Variants in C1orf185 observed in about 807,000 individuals in gnomAD.
C1orf185 encodes the protein uncharacterized protein C1orf185.
Under a neutral mutation model 16.1 loss-of-function variants are expected in C1orf185, and 13 were observed. The observed-to-expected ratio is 0.81, with a 90% CI of 0.53 to 1.28. C1orf185 has a LOEUF of 1.28. Among genes scored for constraint, C1orf185 ranks in the 50% most tolerant of loss-of-function variants. C1orf185 has a pLI of 0.00. For missense variants in C1orf185, 220 were observed against 225.2 expected (o/e 0.98, Z 0.15); for synonymous variants, 80 against 76.9 (o/e 1.04, Z -0.21).
chr1:51,118,089 T>C (rs1646170392), intron 2 of C1orf185, among the ~76,000 whole-genome samples: 1 of 152,062 alleles, frequency 6.6e-6, no homozygotes, highest in African/African-American at 2.4e-5. Context: ...AATTTTTTTG[T>C]ATGTGTTTTT....
At chr1:51,109,996 A>G (rs187616236) in intron 1 of C1orf185, among the ~76,000 whole-genome samples, 1 of 152,176 alleles carries the variant, frequency 6.6e-6, no homozygotes. Flanking sequence ...AATTTTTAAC[A>G]TCTATACTTA....
chr1:51,105,988 C>T (rs1346382822), intron 1 of C1orf185, among the ~76,000 whole-genome samples: 1 of 152,084 alleles, frequency 6.6e-6, no homozygotes, highest in Admixed American at 6.6e-5. Context: ...TGCAATTCCC[C>T]TGAGAGGTAA....
At chr1:51,123,293 G>A (rs1426419239) in intron 3 of C1orf185, among the ~76,000 whole-genome samples, 1 of 152,198 alleles carries the variant, frequency 6.6e-6, no homozygotes, top group African/African-American at 2.4e-5. Flanking sequence ...TGTGGATTAA[G>A]TGTGGATTAA....
chr1:51,119,261 A>G (rs996834407), intron 3 of C1orf185, among the ~76,000 whole-genome samples: 2 of 152,234 alleles, frequency 1.3e-5, no homozygotes, highest in African/African-American at 2.4e-5. Context: ...CCTTCAAGGT[A>G]TATGTGTAGT....
chr1:51,138,783 G>A (rs1407891060), intron 3 of C1orf185, among the ~76,000 whole-genome samples: 5 of 152,062 alleles, frequency 3.3e-5, no homozygotes, highest in African/African-American at 9.7e-5. Context: ...CGCCTCCCAG[G>A]TTCAAACAAG....
chr1:51,106,480 A>T (rs1459763829), intron 1 of C1orf185, among the ~76,000 whole-genome samples: 1 of 152,146 alleles, frequency 6.6e-6, no homozygotes, highest in African/African-American at 2.4e-5. Context: ...TCTCTAAAAA[A>T]ATTAAAAAGA....
chr1:51,118,827 C>T lies in C1orf185; in HGVS notation c.258+26C>T, dbSNP rs775922318. 1.2e-5 allele frequency: 16 copies of T among 1,332,420 alleles called. No homozygotes were observed. In the South Asian group the frequency reaches 1.3e-4, roughly 11 times the overall value. The allele number at this position is 1,332,420 out of a possible 1,614,324, so 82.5% of individuals were successfully genotyped here. A position where few individuals can be genotyped will look rare whatever the true frequency, so the allele number is the denominator to read the frequency against. ...GTAGGGTGTAATATTTTATAGTAAT[C>T]TTTTCAAATAATTTCTTTTGATACC... On this transcript the variant is annotated intron_variant, in intron 3 of 4. Transcript: ENST00000371759.
intron 1 of C1orf185, among the ~76,000 whole-genome samples, chr1:51,108,604 T>C (rs1196865547): frequency 6.6e-6 from 1 of 152,174 alleles, no homozygotes; most frequent in Non-Finnish European, 1.5e-5. Context: ...TCCCAGTCTC[T>C]GGTAACCACC....
At chr1:51,125,941 T>G (rs926320036) in intron 3 of C1orf185, among the ~76,000 whole-genome samples, 2 of 152,112 alleles carry the variant, frequency 1.3e-5, no homozygotes, top group African/African-American at 4.8e-5. Flanking sequence ...GTGGATTGCT[T>G]GAGCTCAGGA....
intron 1 of C1orf185, among the ~76,000 whole-genome samples, chr1:51,104,379 G>C (rs1029735245): frequency 2.0e-5 from 3 of 152,000 alleles, no homozygotes; most frequent in African/African-American, 7.3e-5. Flanking sequence ...TAATACATAG[G>C]TCTATAACAT....
At position 51,145,808 on chromosome 1, in the gene C1orf185, C is replaced by T. The variant is rs1478533638; in HGVS notation, c.295+48C>T. 3 of 1,001,498 alleles carry T rather than the reference C, an allele frequency of 3.0e-6. No homozygotes were observed. In the Admixed American group the frequency reaches 1.1e-4, roughly 36 times the overall value. The allele number at this position is 1,001,498 out of a possible 1,614,324, so 62.0% of individuals were successfully genotyped here. A position where few individuals can be genotyped will look rare whatever the true frequency, so the allele number is the denominator to read the frequency against. On this transcript the variant is annotated intron_variant, in intron 4 of 4. Transcript: ENST00000371759. ...TAGAAGAAATCTTAATGAACTTTAG[C>T]AATTCACATCTTGAGAAATCAAGAG...
intron 3 of C1orf185, among the ~76,000 whole-genome samples, chr1:51,142,083 C>T (rs557806403): frequency 6.6e-6 from 1 of 152,174 alleles, no homozygotes; most frequent in South Asian, 2.1e-4. Flanking sequence ...CCCAAATACT[C>T]GCTTATATTT....
chr1:51,111,370 C>CTTTTTTTTTTTTTTTTTTTTTTT lies in C1orf185; in HGVS notation c.17-1091_17-1090insTTTTTTTTTTTTTTTTTTTTTTT, dbSNP rs35232347. Among the ~76,000 whole-genome samples, 87 of 114,380 alleles carry CTTTTTTTTTTTTTTTTTTTTTTT rather than the reference C, an allele frequency of 7.6e-4. 10 individuals carry two copies. The highest frequency in any genetic ancestry group is 9.1e-4 in the African/African-American group (25 of 27,342). The allele number at this position is 114,380 out of a possible 152,430, so 75.0% of individuals were successfully genotyped here. Reference sequence around the variant, plus strand: ...ATATTGCTTTCATTTAGCTTTCTTTCTTTCTTTTTTTTTTTTTTTGAGAGA... The same window carrying CTTTTTTTTTTTTTTTTTTTTTTT: ...ATATTGCTTTCATTTAGCTTTCTTTCTTTTTTTTTTTTTTTTTTTTTTTTTTCTTTTTTTTTTTTTTTGAGAGA... On this transcript the variant is annotated intron_variant, in intron 1 of 4. Coordinates refer to ENST00000371759, the MANE Select transcript of C1orf185 (RefSeq NM_001136508.2).
intron 1 of C1orf185, among the ~76,000 whole-genome samples, chr1:51,108,987 G>A (rs1646093781): frequency 6.6e-6 from 1 of 152,106 alleles, no homozygotes; most frequent in Non-Finnish European, 1.5e-5. Flanking sequence ...AGGTTTTTGA[G>A]AAAACTCCTT....
At chr1:51,144,723 G>T (rs1646387941) in intron 3 of C1orf185, among the ~76,000 whole-genome samples, 1 of 151,832 alleles carries the variant, frequency 6.6e-6, no homozygotes, top group Non-Finnish European at 1.5e-5. Flanking sequence ...AGAAAAAAAG[G>T]GAGTTATTCT....
At chr1:51,146,706 T>C (rs1050534402) in intron 4 of C1orf185, among the ~76,000 whole-genome samples, 1 of 152,132 alleles carries the variant, frequency 6.6e-6, no homozygotes, top group African/African-American at 2.4e-5. Context: ...ATGGGTCATT[T>C]ATCTAAGTCT....
At chr1:51,131,295 G>A (rs1471261805) in intron 3 of C1orf185, among the ~76,000 whole-genome samples, 2 of 152,194 alleles carry the variant, frequency 1.3e-5, no homozygotes, top group African/African-American at 2.4e-5. Flanking sequence ...TGTTGAAAAA[G>A]TAAACACAAT....
In C1orf185 at chr1:51,124,395, T is replaced by C. The variant is rs189377542; in HGVS notation, c.258+5594T>C. Among the ~76,000 whole-genome samples, 402 of 152,298 alleles carry C rather than the reference T, an allele frequency of 2.6e-3. 3 individuals carry two copies. The highest frequency in any genetic ancestry group is 4.1e-3 in the Admixed American group (63 of 15,296). ...CTGTACCTGGCCTCTTTGCACTATT[T>C]TTAAGGTGTGTTTTTGTTGCAGGGC... On this transcript the variant is annotated intron_variant, in intron 3 of 4. Coordinates refer to ENST00000371759, the MANE Select transcript of C1orf185 (RefSeq NM_001136508.2).
chr1:51,106,213 A>T (rs957718824), intron 1 of C1orf185, among the ~76,000 whole-genome samples: 3 of 151,772 alleles, frequency 2.0e-5, no homozygotes, highest in South Asian at 2.1e-4. Context: ...ATGAAAATTT[A>T]AAAAAAATTT....
Sources: allele counts gnomAD v4.1 joint callset (sites outside exome capture counted in the v4.1 genomes callset), GRCh38; gene constraint gnomAD v4.1.1; transcripts MANE v1.5; gene names NCBI Gene and HGNC (gene_info 2026-07-23, HGNC 2026-07-21).